COPG1: variants seen among roughly 807,000 people sequenced by gnomAD.
COPG1 encodes the protein coat protein complex I subunit gamma 1.
COPG1 carries 29 observed loss-of-function variants against 102.8 expected under a neutral mutation model. The ratio of observed to expected loss-of-function variants is 0.28; its 90% CI spans 0.21 to 0.38. The LOEUF (loss-of-function observed/expected upper bound fraction) is 0.38. Ranked by LOEUF, COPG1 falls within the 10% of genes least tolerant of loss-of-function variation. The pLI is 1.00. For synonymous variants in COPG1, 406 were observed against 421.6 expected, an observed-to-expected ratio of 0.96 and a Z score of 0.45; for missense variants, 875 against 1,132.7, an observed-to-expected ratio of 0.77 and a Z score of 3.27.
chr3:129,249,981 C>A (rs1040105525), intron 1 of COPG1, among the ~76,000 whole-genome samples: 8 of 152,104 alleles, frequency 5.3e-5, no homozygotes, highest in African/African-American at 1.7e-4. Flanking sequence ...ACACCCCCCC[C>A]CCCAGGCCTC....
Position 129,275,050 on chromosome 3 carries a change from C to A in COPG1, c.2395+74C>A. ...TTGGCTACTATTGAAGTGCTCATCCCTTTTCTCTCCAAGGATCCAGGGCCA... is the reference window on the plus strand; with the variant it reads ...TTGGCTACTATTGAAGTGCTCATCCATTTTCTCTCCAAGGATCCAGGGCCA... On this transcript the variant is annotated intron_variant, in intron 22 of 23. Transcript: ENST00000314797. This position sits in a 1 kb window ranked among gnomAD's most constrained non-coding sequence, Gnocchi z 5.0. The A allele has an allele frequency of 6.4e-7, 1 of 1,561,288 alleles. No homozygotes were observed. Among genetic ancestry groups the A allele is most frequent in the African/African-American group, 1.4e-5 (1 of 73,936 alleles).
At position 129,268,545 on chromosome 3, in the gene COPG1, C is replaced by A; in HGVS notation, c.1699C>A (p.Leu567Ile). The A allele has an allele frequency of 6.2e-7, 1 of 1,614,206 alleles. No homozygotes were observed. Residue 567 changes from leucine (L) to isoleucine (I), a missense_variant, in exon 17 of 24, where the codon CTA (leucine) becomes ATA (isoleucine). Leu to Ile is a conservative substitution (Grantham distance 5). Coordinates refer to ENST00000314797, the MANE Select transcript of COPG1 (RefSeq NM_016128.4). ...GLERALQQYT[L>I]EPSEKPFDLK... The stretch of plus-strand genomic sequence containing the variant: ...GGAGAGGGCTCTGCAGCAGTACACT[C>A]TAGAACCATCAGAAAAACCTTTTGA...
chr3:129,249,986 G>T (rs1939659568), intron 1 of COPG1, among the ~76,000 whole-genome samples: 1 of 149,078 alleles, frequency 6.7e-6, no homozygotes, highest in Non-Finnish European at 1.5e-5. Context: ...CCCCCCCCCA[G>T]GCCTCAATTT....
intron 7 of COPG1, 114 bp downstream of exon 7, chr3:129,255,191 T>TC (rs1939782844): frequency 1.4e-6 from 1 of 706,406 alleles, no homozygotes; most frequent in African/African-American, 1.8e-5. Flanking sequence ...TTTTTTTTTT[T>TC]TGATTGAGAC....
chr3:129,272,796 CTT>C lies in COPG1; in HGVS notation c.2159-10_2159-9del. The C allele has an allele frequency of 1.3e-6, 2 of 1,597,560 alleles. No individual in the cohort carries two copies. Among genetic ancestry groups the C allele is most frequent in the Non-Finnish European group, 1.7e-6 (2 of 1,165,686 alleles). On this transcript the variant is annotated splice_polypyrimidine_tract_variant and intron_variant, in intron 20 of 23. Coordinates refer to ENST00000314797, the MANE Select transcript of COPG1 (RefSeq NM_016128.4). ...GGGACATCCTAACTACCCAGCCTCT[CTT>C]CCCCACAGTGGCCTGCACATTCAGC...
In COPG1 at chr3:129,260,339, A is replaced by T; in HGVS notation, c.878A>T (p.Gln293Leu). 3 of 1,614,162 alleles carry T rather than the reference A, an allele frequency of 1.9e-6. No homozygotes were observed. Among genetic ancestry groups the T allele is most frequent in the Non-Finnish European group, 2.5e-6 (3 of 1,180,010 alleles). Reference sequence around the variant, plus strand: ...GGCATCCATCTCCCCACAGTGCTCCAGCTTTTCTGCAGCTCACCCAAGGCT... The same window carrying T: ...GGCATCCATCTCCCCACAGTGCTCCTGCTTTTCTGCAGCTCACCCAAGGCT... ...KELAPAVSVL[Q>L]LFCSSPKAAL... The change falls in exon 11 of 24, where the codon CAG (glutamine) becomes CTG (leucine). Residue 293 changes from glutamine (Q) to leucine (L), a missense_variant. Transcript: ENST00000314797.
chr3:129,254,891 C>A (rs780920921), intron 6 of COPG1, 94 bp from the exon 7 acceptor site: 3 of 1,205,488 alleles, frequency 2.5e-6, no homozygotes, highest in Non-Finnish European at 3.7e-6. Flanking sequence ...ACGCTTACTT[C>A]CTCCTCATAC....
intron 23 of COPG1, among the ~76,000 whole-genome samples, chr3:129,276,916 C>T (rs1443130706): frequency 5.9e-5 from 9 of 151,530 alleles, no homozygotes; most frequent in Non-Finnish European, 1.0e-4. Context: ...CTCCGCCTCC[C>T]GGGTTCAAGC....
chr3:129,253,042 GT>G, intron 5 of COPG1, 87 bp downstream of exon 5: 1 of 1,191,688 alleles, frequency 8.4e-7, no homozygotes, highest in Non-Finnish European at 1.2e-6. Context: ...GTGAGACTTG[GT>G]TGCATATTGC....
chr3:129,261,002 C>T (rs1461186368), intron 12 of COPG1, among the ~76,000 whole-genome samples, 195 bp downstream of exon 12: 1 of 152,202 alleles, frequency 6.6e-6, no homozygotes, highest in Non-Finnish European at 1.5e-5. Context: ...AGGCCTCCAT[C>T]CATATCGTCC....
At chr3:129,260,558 C>T in intron 11 of COPG1, 61 bp from the exon 12 acceptor site, 1 of 1,576,646 alleles carries the variant, frequency 6.3e-7, no homozygotes, top group Non-Finnish European at 8.7e-7. Context: ...CTGGGCCAAA[C>T]CATCAAATGT....
intron 7 of COPG1, 106 bp from the exon 8 acceptor site, chr3:129,255,962 C>A: frequency 1.1e-6 from 1 of 887,240 alleles, no homozygotes; most frequent in Non-Finnish European, 1.8e-6. Flanking sequence ...AGGACCAGGA[C>A]AGTGGCGAGC....
intron 23 of COPG1, among the ~76,000 whole-genome samples, chr3:129,277,060 G>T (rs1451606376): frequency 6.6e-6 from 1 of 151,876 alleles, no homozygotes. Flanking sequence ...CTGACCTCAT[G>T]ATCTGCCCAC....
At chr3:129,262,474 C>A (rs1258914276) in intron 12 of COPG1, among the ~76,000 whole-genome samples, 4 of 151,940 alleles carry the variant, frequency 2.6e-5, no homozygotes, top group Non-Finnish European at 5.9e-5. Flanking sequence ...AGGATGGTCT[C>A]GATCTCCTGA....
rs1438373870 is a variant in COPG1 at position 129,275,031 on chromosome 3, A to G, written c.2395+55A>G. ...TAATTACTGTTCAAGATCTTTGGCT[A>G]CTATTGAAGTGCTCATCCCTTTTCT... On this transcript the variant is annotated intron_variant, in intron 22 of 23. Coordinates refer to ENST00000314797, the MANE Select transcript of COPG1 (RefSeq NM_016128.4). This position sits in a 1 kb window ranked among gnomAD's most constrained non-coding sequence, Gnocchi z 5.0. The G allele has an allele frequency of 1.3e-6, 2 of 1,590,708 alleles. No homozygotes were observed. The highest frequency in any genetic ancestry group is 4.5e-5 in the East Asian group (2 of 44,736).
rs1482614458 is a variant in COPG1 at position 129,271,755 on chromosome 3, T to C, written c.1844-12T>C. The C allele has an allele frequency of 6.2e-7, 1 of 1,613,782 alleles. No individual in the cohort carries two copies. The highest frequency in any genetic ancestry group is 8.5e-7 in the Non-Finnish European group (1 of 1,179,850). On this transcript the variant is annotated splice_polypyrimidine_tract_variant and intron_variant, in intron 18 of 23. Coordinates refer to ENST00000314797, the MANE Select transcript of COPG1 (RefSeq NM_016128.4). This position sits in a 1 kb window ranked among gnomAD's most constrained non-coding sequence, Gnocchi z 4.7. ...ATCGAGAAGCTGAGTGAATGTGGCCTGTGGATTTCAGAGCAGTTGGCAGCA... is the reference window on the plus strand; with the variant it reads ...ATCGAGAAGCTGAGTGAATGTGGCCCGTGGATTTCAGAGCAGTTGGCAGCA...
chr3:129,256,606 AAATACG>A (rs1939814939), intron 8 of COPG1, among the ~76,000 whole-genome samples: 2 of 152,156 alleles, frequency 1.3e-5, no homozygotes, highest in Non-Finnish European at 2.9e-5. Context: ...CTTGTCTGTA[AAATACG>A]AATGAAGGTT....
chr3:129,274,740 C>T, intron 21 of COPG1, 98 bp from the exon 22 acceptor site: 1 of 1,381,836 alleles, frequency 7.2e-7, no homozygotes. Context: ...GAGCAAGCAC[C>T]TGTGGAAAGA....
Position 129,257,456 on chromosome 3 carries a change from C to T in COPG1, c.580-14C>T. ...TCATACATTTGTACTCTGTTGCTGT[C>T]TCCTGTCCTATAGTACCACGCACTA... is the stretch of plus-strand genomic sequence containing the variant. On this transcript the variant is annotated splice_polypyrimidine_tract_variant and intron_variant, in intron 8 of 23. Transcript: ENST00000314797. 1 of 1,614,078 alleles carries T rather than the reference C, an allele frequency of 6.2e-7. No individual in the cohort carries two copies. Among genetic ancestry groups the T allele is most frequent in the Non-Finnish European group, 8.5e-7 (1 of 1,179,926 alleles).
Sources: gnomAD v4.1 joint callset for allele counts (sites outside exome capture counted in the v4.1 genomes callset) on GRCh38, gnomAD v4.1.1 for gene constraint, Gnocchi (gnomAD v3.1) non-coding constraint, MANE v1.5 for transcripts, NCBI Gene and HGNC (gene_info 2026-07-23, HGNC 2026-07-21) for gene names.